Variants in CSMD3 observed in about 807,000 individuals in gnomAD.
CSMD3 encodes the protein CUB and sushi domain-containing protein 3.
A neutral mutation model predicts 435.2 loss-of-function variants in CSMD3; 177 were observed. That is an observed-to-expected ratio of 0.41 (90% CI 0.36 to 0.46). CSMD3 has a LOEUF of 0.46. Ranked by LOEUF, CSMD3 falls within the 20% of genes least tolerant of loss-of-function variation. The pLI is 0.34. For missense variants in CSMD3, 4,265 were observed against 4,504.6 expected (o/e 0.95, Z 1.52); for synonymous variants, 1,656 against 1,520.5 (o/e 1.09, Z -2.07).
At chr8:112,510,179 G>A (rs1000960179) in intron 28 of CSMD3, among the ~76,000 whole-genome samples, 5 of 151,912 alleles carry the variant, frequency 3.3e-5, no homozygotes, top group Non-Finnish European at 4.4e-5. Context: ...TCTCTTTCTC[G>A]AATTATTACA....
At chr8:113,074,759 T>C (rs2089271386) in intron 5 of CSMD3, among the ~76,000 whole-genome samples, 1 of 151,800 alleles carries the variant, frequency 6.6e-6, no homozygotes, top group Non-Finnish European at 1.5e-5. Context: ...GTCACAAACT[T>C]AATCTCAAAA....
At chr8:112,293,112 C>A (rs912866780) in intron 54 of CSMD3, among the ~76,000 whole-genome samples, 3 of 151,542 alleles carry the variant, frequency 2.0e-5, no homozygotes, top group African/African-American at 7.3e-5. Flanking sequence ...CAAAACTAGC[C>A]AGGTGTGGTG....
At chr8:112,936,030 T>C (rs1178487747) in intron 9 of CSMD3, among the ~76,000 whole-genome samples, 1 of 152,060 alleles carries the variant, frequency 6.6e-6, no homozygotes, top group Non-Finnish European at 1.5e-5. Context: ...GGATTCAATA[T>C]GGAGAGGTGC....
intron 13 of CSMD3, among the ~76,000 whole-genome samples, chr8:112,761,920 G>A (rs1398600205): frequency 6.6e-6 from 1 of 151,982 alleles, no homozygotes; most frequent in African/African-American, 2.4e-5. Context: ...AATCTTGAAG[G>A]TGAATGTTTT....
At chr8:112,589,274 C>A (rs1830978907) in intron 22 of CSMD3, among the ~76,000 whole-genome samples, 1 of 152,074 alleles carries the variant, frequency 6.6e-6, no homozygotes, top group Non-Finnish European at 1.5e-5. Context: ...AATTTAGCTG[C>A]CCTGAGCTAC....
chr8:113,434,515 C>T (rs2094693378), intron 1 of CSMD3, among the ~76,000 whole-genome samples: 1 of 152,100 alleles, frequency 6.6e-6, no homozygotes, highest in African/African-American at 2.4e-5. Flanking sequence ...AACATAAAAC[C>T]TATGCAAATT....
At chr8:113,376,432 T>C (rs553428757) in intron 1 of CSMD3, among the ~76,000 whole-genome samples, 2 of 152,270 alleles carry the variant, frequency 1.3e-5, no homozygotes, top group South Asian at 2.1e-4. Context: ...ACAAAAAATA[T>C]ATTTTGTAGA....
chr8:112,606,972 GAAAAAAAAA>G (rs71309778), intron 22 of CSMD3, among the ~76,000 whole-genome samples: 1 of 36,644 alleles, frequency 2.7e-5, no homozygotes, highest in Non-Finnish European at 4.7e-5. Context: ...CTCAAGCTAT[GAAAAAAAAA>G]AAAAAAAAAA....
intron 32 of CSMD3, among the ~76,000 whole-genome samples, chr8:112,466,216 T>C (rs1817943196): frequency 6.6e-6 from 1 of 152,164 alleles, no homozygotes; most frequent in African/African-American, 2.4e-5. Context: ...TCTTAAGTAT[T>C]CATTCATTAC....
At position 112,996,836 on chromosome 8, in the gene CSMD3, T is replaced by C. The variant is rs569352584; in HGVS notation, c.1031-20688A>G. ...AAATCAATATATTAGTATTTCTGAA[T>C]TCTGAAAAATACCAATCAAGAGAAA... On this transcript the variant is annotated intron_variant, in intron 6 of 70. Transcript: ENST00000297405. 7.9e-5 allele frequency among the ~76,000 whole-genome samples: 12 copies of C among 151,754 alleles called. No individual in the cohort carries two copies. The East Asian group carries it at 2.1e-3, about 27-fold the overall frequency.
intron 61 of CSMD3, among the ~76,000 whole-genome samples, chr8:112,261,243 T>C (rs1301994572): frequency 1.3e-5 from 2 of 152,126 alleles, no homozygotes; most frequent in East Asian, 1.9e-4. Flanking sequence ...TAATTCTATG[T>C]CTATAAAATA....
chr8:112,339,730 A>G (rs1474186130), intron 42 of CSMD3, among the ~76,000 whole-genome samples: 1 of 152,160 alleles, frequency 6.6e-6, no homozygotes, highest in Non-Finnish European at 1.5e-5. Flanking sequence ...ACTTTTCCAA[A>G]TTCAGAAGGT....
intron 36 of CSMD3, among the ~76,000 whole-genome samples, chr8:112,386,270 A>G (rs1001228320): frequency 6.6e-6 from 1 of 152,190 alleles, no homozygotes; most frequent in African/African-American, 2.4e-5. Context: ...GTTGTTTGTA[A>G]CTATAAAACT....
chr8:113,080,074 T>C (rs1170192023), intron 5 of CSMD3, among the ~76,000 whole-genome samples: 2 of 152,058 alleles, frequency 1.3e-5, no homozygotes, highest in Non-Finnish European at 2.9e-5. Flanking sequence ...GGACAGAGGA[T>C]TGTTTGTTTG....
At chr8:112,598,105 A>T (rs1180697117) in intron 22 of CSMD3, among the ~76,000 whole-genome samples, 1 of 148,010 alleles carries the variant, frequency 6.8e-6, no homozygotes, top group Non-Finnish European at 1.5e-5. Context: ...ACATGATTGT[A>T]TATCTAGAAA....
chr8:112,270,367 T>TGTGTGTGTGTGTGTGTGTTAGGGGTGA (rs1817398504), intron 59 of CSMD3, among the ~76,000 whole-genome samples: 2 of 150,334 alleles, frequency 1.3e-5, no homozygotes, highest in Admixed American at 1.3e-4. Context: ...TGTGTGTGTG[T>TGTGTGTGTGTGTGTGTGTTAGGGGTGA]GTGTGTGTGT....
At chr8:112,638,186 T>C (rs899413500) in intron 21 of CSMD3, among the ~76,000 whole-genome samples, 2 of 118,908 alleles carry the variant, frequency 1.7e-5, no homozygotes, top group African/African-American at 6.7e-5. Flanking sequence ...AAATTACTAT[T>C]TATTAATTAT....
chr8:112,687,767 C>T (rs1299054271), intron 14 of CSMD3, among the ~76,000 whole-genome samples: 1 of 152,006 alleles, frequency 6.6e-6, no homozygotes, highest in East Asian at 1.9e-4. Context: ...CTTCTGCCCC[C>T]ATAAAAATTT....
intron 22 of CSMD3, among the ~76,000 whole-genome samples, chr8:112,601,583 T>C (rs1832353439): frequency 6.6e-6 from 1 of 152,188 alleles, no homozygotes; most frequent in Non-Finnish European, 1.5e-5. Flanking sequence ...ATATTGCTTC[T>C]GATGAAAAAG....
Sources: allele counts gnomAD v4.1 joint callset (sites outside exome capture counted in the v4.1 genomes callset), GRCh38; gene constraint gnomAD v4.1.1; transcripts MANE v1.5; gene names NCBI Gene and HGNC (gene_info 2026-07-23, HGNC 2026-07-21).